The following ERICH3 variants were observed in gnomAD, a reference collection of about 807,000 sequenced individuals.
ERICH3 encodes the protein glutamate rich 3, also known as glutamate-rich protein 3.
A neutral mutation model predicts 131.1 loss-of-function variants in ERICH3; 126 were observed. The ratio of observed to expected loss-of-function variants is 0.96; its 90% confidence interval spans 0.83 to 1.11. The LOEUF is 1.11. ERICH3 is among the 50% of genes most tolerant of loss of function. The probability of loss-of-function intolerance (pLI) is 0.00; values close to 1 mark genes in which losing one functional copy is unlikely to be tolerated. For synonymous variants in ERICH3, 695 were observed against 644.6 expected (o/e 1.08, Z -1.18); for missense variants, 2,050 against 1,810.7 (o/e 1.13, Z -2.40).
intron 7 of ERICH3, chr1:74,624,362 C>T (rs2100615239): frequency 6.6e-6 from 1 of 152,336 alleles, no homozygotes; most frequent in East Asian, 1.9e-4. Flanking sequence ...AAGTCTGACA[C>T]AAGCCAGAGG....
At chr1:74,594,721 G>A (rs1647768115) in intron 11 of ERICH3, among the ~76,000 whole-genome samples, 1 of 152,040 alleles carries the variant, frequency 6.6e-6, no homozygotes, top group South Asian at 2.1e-4. Flanking sequence ...AGAAACTATT[G>A]CCATACTCTT....
chr1:74,620,660 G>T, intron 8 of ERICH3, 74 bp downstream of exon 8: 1 of 1,276,058 alleles, frequency 7.8e-7, no homozygotes, highest in Non-Finnish European at 1.1e-6. Context: ...AAGTCATTTT[G>T]ATATTATATC....
chr1:74,599,789 A>C lies in ERICH3; in HGVS notation c.1632T>G (p.Ser544Arg), dbSNP rs1553163387. ...KKDNLDPEKE[S>R]ETSSQKAPDA... ...CTGGTGCCTTCTGTGATGAGGTTTC[A>C]CTCTCTTTTTCAGGGTCTAAATTAT... Residue 544 changes from serine to arginine, a missense_variant, in exon 11 of 15, where the codon AGT becomes AGG. Physicochemically the swap from Ser to Arg is moderately radical, Grantham distance 110. Transcript: ENST00000326665. The C allele has an allele frequency of 1.9e-6, 3 of 1,612,166 alleles. No individual in the cohort carries two copies. Among genetic ancestry groups the C allele is most frequent in the Admixed American group, 3.3e-5 (2 of 59,798 alleles).
intron 11 of ERICH3, among the ~76,000 whole-genome samples, chr1:74,595,512 A>G (rs1358081699): frequency 6.6e-6 from 1 of 152,076 alleles, no homozygotes; most frequent in Non-Finnish European, 1.5e-5. Flanking sequence ...AATGTTCTCC[A>G]TATTTACCTT....
At position 74,641,508 on chromosome 1, in the gene ERICH3, G is replaced by A. The variant is rs1218796840; in HGVS notation, c.316-49C>T. 6 of 1,566,504 alleles carry A rather than the reference G, an allele frequency of 3.8e-6. No homozygotes were observed. In the Admixed American group the frequency reaches 7.3e-5, roughly 19 times the overall value. On this transcript the variant is annotated intron_variant, in intron 4 of 14. Transcript: ENST00000326665. ...AAATAGATGCATAGTTAGTAATCTA[G>A]GTTAGATTATGCATGACATGTGCGA...
chr1:74,576,989 G>A (rs1647070693), intron 12 of ERICH3, 53 bp from the exon 13 acceptor site: 2 of 1,498,220 alleles, frequency 1.3e-6, no homozygotes, highest in South Asian at 2.5e-5. Context: ...ACTGTGAAAT[G>A]TACCATGGTT....
intron 10 of ERICH3, 54 bp from the exon 11 acceptor site, chr1:74,599,985 AC>A (rs1648051174): frequency 7.8e-7 from 1 of 1,278,382 alleles, no homozygotes; most frequent in Admixed American, 2.2e-5. Context: ...CTTATACTTA[AC>A]CTATTTCTCT....
At chr1:74,629,145 A>C (rs534986425) in intron 7 of ERICH3, among the ~76,000 whole-genome samples, 11 of 152,284 alleles carry the variant, frequency 7.2e-5, no homozygotes, top group African/African-American at 2.6e-4. Context: ...GCATTTTTAA[A>C]AGTAGCATTC....
intron 7 of ERICH3, among the ~76,000 whole-genome samples, chr1:74,627,945 T>C (rs1649471743): frequency 6.6e-6 from 1 of 152,158 alleles, no homozygotes; most frequent in African/African-American, 2.4e-5. Flanking sequence ...ACACATACTC[T>C]TAACAGACCA....
chr1:74,593,371 C>T (rs914791642), intron 11 of ERICH3, among the ~76,000 whole-genome samples: 6 of 152,074 alleles, frequency 3.9e-5, no homozygotes, highest in African/African-American at 1.4e-4. Context: ...ACCCTGGTGT[C>T]CCAATCACAG....
intron 1 of ERICH3, among the ~76,000 whole-genome samples, chr1:74,653,077 C>A (rs946216265): frequency 6.6e-6 from 1 of 152,082 alleles, no homozygotes; most frequent in Non-Finnish European, 1.5e-5. Flanking sequence ...CAGCACTTAA[C>A]CCTCTAACCC....
intron 1 of ERICH3, among the ~76,000 whole-genome samples, chr1:74,660,062 A>G (rs1050273834): frequency 6.6e-6 from 1 of 152,150 alleles, no homozygotes; most frequent in Admixed American, 6.5e-5. Context: ...AGATAATTTA[A>G]TCATGGGGTT....
chr1:74,614,842 T>G (rs1232367996), intron 8 of ERICH3, among the ~76,000 whole-genome samples: 1 of 152,186 alleles, frequency 6.6e-6, no homozygotes, highest in Non-Finnish European at 1.5e-5. Flanking sequence ...TACAATATTT[T>G]TAAAAATCCT....
At position 74,665,212 on chromosome 1, in the gene ERICH3, C is replaced by CAA. The variant is rs111770951; in HGVS notation, c.23+8283_23+8284dup. ...TGGGCGACAGAGCAAGACTCCGTCT[C>CAA]AAAAAAAAAAACAGCCATCTGTGAA... On this transcript the variant is annotated intron_variant, in intron 1 of 14. Transcript: ENST00000326665. 7.1e-3 allele frequency among the ~76,000 whole-genome samples: 1,027 copies of CAA among 143,986 alleles called. 15 individuals are homozygous for CAA. The highest frequency in any genetic ancestry group is 0.024 in the African/African-American group (967 of 39,848). 94.5% of individuals were successfully genotyped at this position (143,986 alleles called of 152,430 possible).
chr1:74,646,245 T>C (rs1646482129), intron 3 of ERICH3, among the ~76,000 whole-genome samples: 1 of 152,036 alleles, frequency 6.6e-6, no homozygotes, highest in Admixed American at 6.6e-5. Context: ...AAATAATTCA[T>C]GGCAATGGAA....
intron 10 of ERICH3, among the ~76,000 whole-genome samples, chr1:74,603,580 A>G (rs1262193183): frequency 6.6e-6 from 1 of 151,868 alleles, no homozygotes; most frequent in Non-Finnish European, 1.5e-5. Context: ...CTGTGAATGT[A>G]TACCTATATA....
At position 74,571,950 on chromosome 1, in the gene ERICH3, G is replaced by C. The variant is rs771855733; in HGVS notation, c.3760C>G (p.Leu1254Val). The C allele has an allele frequency of 5.0e-6, 8 of 1,613,662 alleles. No homozygotes were observed. The South Asian group carries it at 8.8e-5, about 18-fold the overall frequency. ...CCTTGCCCTTCAGCTCTCCCCTCCA[G>C]TCCTGCGCAGGAGTCGTGATCTTTG... is the stretch of plus-strand genomic sequence containing the variant. ...AAKDHDSCAGLEGRAEGQGGV... is the reference protein window; with the variant it reads ...AAKDHDSCAGVEGRAEGQGGV... Residue 1254 changes from leucine to valine, a missense_variant, in exon 14 of 15, where the codon CTG becomes GTG. Transcript: ENST00000326665.
intron 7 of ERICH3, chr1:74,626,116 T>C (rs1362963273): frequency 1.3e-5 from 2 of 152,210 alleles, no homozygotes; most frequent in Admixed American, 1.3e-4. Flanking sequence ...TTTCTCTTTA[T>C]CTTTTTAAAT....
At chr1:74,610,289 T>G (rs965327196) in intron 9 of ERICH3, among the ~76,000 whole-genome samples, 1 of 151,376 alleles carries the variant, frequency 6.6e-6, no homozygotes, top group Non-Finnish European at 1.5e-5. Flanking sequence ...CTCAGCCTTA[T>G]CCTCAGTTGA....
Sources: allele counts gnomAD v4.1 joint callset (sites outside exome capture counted in the v4.1 genomes callset), GRCh38; gene constraint gnomAD v4.1.1; transcripts MANE v1.5; gene names NCBI Gene and HGNC (gene_info 2026-07-23, HGNC 2026-07-21).